TASOR2: variants seen among roughly 807,000 people sequenced by gnomAD.
The protein encoded by TASOR2 is transcription activation suppressor family member 2, also known as protein TASOR 2.
Under a neutral mutation model 199.5 loss-of-function variants are expected in TASOR2, and 84 were observed. The observed-to-expected ratio is 0.42, with a 90% CI of 0.35 to 0.50. TASOR2 has a LOEUF of 0.50. Among genes scored for constraint, TASOR2 ranks in the 20% least tolerant of loss-of-function variants. TASOR2 has a pLI of 0.02. For missense variants in TASOR2, 2,796 were observed against 2,835.9 expected, an observed-to-expected ratio of 0.99 and a Z score of 0.32; for synonymous variants, 1,103 against 1,046.6, an observed-to-expected ratio of 1.05 and a Z score of -1.04.
At chr10:5,761,186 A>G (rs199710672) in intron 18 of TASOR2, 104 bp from the exon 20 acceptor site, 2 of 850,352 alleles carry the variant, frequency 2.4e-6, no homozygotes, top group Non-Finnish European at 3.2e-6. Flanking sequence ...CGTCAAGAAG[A>G]AAGGCAGAGG....
At position 5,748,166 on chromosome 10, in the gene TASOR2, T is replaced by C. The variant is rs779685920; in HGVS notation, c.4745T>C (p.Ile1582Thr). 23 of 1,614,134 alleles carry C rather than the reference T, an allele frequency of 1.4e-5. No individual in the cohort carries two copies. In the East Asian group the frequency reaches 3.8e-4, roughly 27 times the overall value. Residue 1582 changes from isoleucine to threonine, a missense_variant, in exon 15 of 21, where the codon ATT becomes ACT. By Grantham distance (89) the Ile-to-Thr change is moderately conservative (BLOSUM62 -1). Around this residue, in one of 3 missense-constraint regions of TASOR2, gnomAD observed 1,941 missense variants for 1,924.9 expected, o/e 1.01. Transcript: ENST00000328090. This position sits in a 1 kb window ranked among gnomAD's most constrained non-coding sequence, Gnocchi z 5.1. ...CCTCCATTTGGTCCTAGAAATGTTA[T>C]TGAAAATAAGTCTTTGTCTGACACA...
At position 5,752,201 on chromosome 10, in the gene TASOR2, T is replaced by C. The variant is rs1838151026; in HGVS notation, c.6606+2174T>C. ...GCAGGTGGGGGGGATGTTGCTTTTT[T>C]GTCATGATTCTTATAGTCTAATGGG... On this transcript the variant is annotated intron_variant, in intron 15 of 20. Transcript: ENST00000328090. The surrounding 1 kb of genome is among the most constrained non-coding windows in gnomAD (Gnocchi z 4.4). Among the ~76,000 whole-genome samples, 2 of 152,208 alleles carry C rather than the reference T, an allele frequency of 1.3e-5. No individual in the cohort carries two copies. The highest frequency in any genetic ancestry group is 1.3e-4 in the Admixed American group (2 of 15,284).
At position 5,714,147 on chromosome 10, in the gene TASOR2, T is replaced by A; in HGVS notation, c.-192+1229T>A. ...CTTTTGTTTAAAGGCAAAATTGGTA[T>A]GTCAGTGTGGACTCCGTGTTGGCAG... On this transcript the variant is annotated intron_variant, in intron 2 of 20. It removes an upstream start codon present in the reference 5' UTR. Transcript: ENST00000328090. 8.1e-7 allele frequency: 1 copy of A among 1,231,776 alleles called. No homozygotes were observed. Among genetic ancestry groups the A allele is most frequent in the Non-Finnish European group, 1.0e-6 (1 of 987,714 alleles). The allele number at this position is 1,231,776 out of a possible 1,614,324, so 76.3% of individuals were successfully genotyped here.
At chr10:5,686,211 A>G (rs4750553) in intron 1 of TASOR2, among the ~76,000 whole-genome samples, 43,931 of 152,170 alleles carry the variant, frequency 0.29, 7,226 homozygotes, top group Non-Finnish European at 0.37. Context: ...CCAAGACGGT[A>G]TATTTGAAGT....
At chr10:5,747,110 C>T (rs376095727) in exon 15 of TASOR2, 22 of 1,614,022 alleles carry the variant, frequency 1.4e-5, no homozygotes, top group Non-Finnish European at 1.5e-5. Context: ...GGATGCCACA[C>T]ATCAGGTGAC....
At chr10:5,705,699 T>G (rs1323136739) in intron 1 of TASOR2, among the ~76,000 whole-genome samples, 1 of 152,184 alleles carries the variant, frequency 6.6e-6, no homozygotes, top group Non-Finnish European at 1.5e-5. Flanking sequence ...GTGGTTTTAA[T>G]TAGCACTTCC....
intron 2 of TASOR2, among the ~76,000 whole-genome samples, chr10:5,715,468 T>C (rs1360702099): frequency 6.6e-6 from 1 of 152,198 alleles, no homozygotes; most frequent in Non-Finnish European, 1.5e-5. Flanking sequence ...ACATTTCATA[T>C]AAGTGGAATC....
Position 5,762,526 on chromosome 10 carries a change from T to TTAA in TASOR2, c.7175-6_7175-5insTAA. On this transcript the variant is annotated splice_region_variant and splice_polypyrimidine_tract_variant and intron_variant, in intron 19 of 20. Transcript: ENST00000328090. ...ACCAAAAGTTGTTTTTTTTTTTTTT[T>TTAA]AACAGACAAGCCTACTATCCCCAGA... The TTAA allele has an allele frequency of 1.9e-5, 13 of 699,634 alleles. No homozygotes were observed. Among genetic ancestry groups the TTAA allele is most frequent in the South Asian group, 5.6e-5 (2 of 35,806 alleles). 43.3% of individuals were successfully genotyped at this position (699,634 alleles called of 1,614,324 possible). A position where few individuals can be genotyped will look rare whatever the true frequency, so the allele number is the denominator to read the frequency against.
rs1377897682 is a variant in TASOR2 at position 5,722,716 on chromosome 10, G to T, written c.147-961G>T. Among the ~76,000 whole-genome samples the T allele has an allele frequency of 1.3e-5, 2 of 151,960 alleles. No homozygotes were observed. The highest frequency in any genetic ancestry group is 6.6e-5 in the Admixed American group (1 of 15,260). On this transcript the variant is annotated intron_variant, in intron 6 of 20. Transcript: ENST00000328090. The surrounding 1 kb of genome is among the most constrained non-coding windows in gnomAD (Gnocchi z 4.0). ...GCATTTTAAAATGAGTTTTTAAAAA[G>T]GAAACAGAGTGCCGGGCACAGTGGC...
rs1400532955 is a variant in TASOR2 at position 5,722,774 on chromosome 10, G to A, written c.147-903G>A. ...TGTAGTCCCAGCACTTTGGGAGGCC[G>A]AGGTGAGCAGATTGCCTGAGGTCAG... On this transcript the variant is annotated intron_variant, in intron 6 of 20. Coordinates refer to ENST00000328090, the Ensembl canonical transcript of TASOR2. The surrounding 1 kb of genome is among the most constrained non-coding windows in gnomAD (Gnocchi z 4.0). 2.0e-5 allele frequency among the ~76,000 whole-genome samples: 3 copies of A among 152,054 alleles called. No homozygotes were observed. The highest frequency in any genetic ancestry group is 4.4e-5 in the Non-Finnish European group (3 of 68,022).
At chr10:5,693,723 CA>C (rs1295714690) in intron 1 of TASOR2, among the ~76,000 whole-genome samples, 3 of 152,196 alleles carry the variant, frequency 2.0e-5, no homozygotes, top group Non-Finnish European at 4.4e-5. Flanking sequence ...AGCTTTATTT[CA>C]CCCAGATTAT....
At chr10:5,761,984 A>G (rs557323817) in intron 19 of TASOR2, among the ~76,000 whole-genome samples, 2 of 152,102 alleles carry the variant, frequency 1.3e-5, no homozygotes, top group Non-Finnish European at 2.9e-5. Context: ...CTTTTAAAAA[A>G]TTTGTGGGGC....
intron 11 of TASOR2, among the ~76,000 whole-genome samples, chr10:5,731,908 C>T (rs1474758443): frequency 6.6e-6 from 1 of 152,202 alleles, no homozygotes; most frequent in African/African-American, 2.4e-5. Flanking sequence ...AGCCTCAACA[C>T]CTATCGAGAG....
At chr10:5,760,838 TAAACATA>T (rs1418733244) in intron 18 of TASOR2, 1 of 152,716 alleles carries the variant, frequency 6.5e-6, no homozygotes, top group Non-Finnish European at 1.5e-5. Flanking sequence ...GCTAAAAATT[TAAACATA>T]CTGAGTTAAC....
In TASOR2 at chr10:5,707,420, A is replaced by G. The variant is rs142271855; in HGVS notation, c.-287-5403A>G. ...GTTTCTTTCTGTTCTGTTCCGTTCT[A>G]TGTTGGCTGCCATCTTGGTTGCAAG... is the stretch of plus-strand genomic sequence containing the variant. On this transcript the variant is annotated intron_variant, in intron 1 of 20. Coordinates refer to ENST00000328090, the Ensembl canonical transcript of TASOR2. Among the ~76,000 whole-genome samples, 33 of 152,226 alleles carry G rather than the reference A, an allele frequency of 2.2e-4. No individual in the cohort carries two copies. In the East Asian group the frequency reaches 3.3e-3, roughly 15 times the overall value.
At chr10:5,695,253 T>C (rs1288946394) in intron 1 of TASOR2, among the ~76,000 whole-genome samples, 2 of 152,222 alleles carry the variant, frequency 1.3e-5, no homozygotes, top group Admixed American at 1.3e-4. Flanking sequence ...TGCCGTGATA[T>C]TGCTTGGCTC....
intron 13 of TASOR2, 123 bp from the exon 15 acceptor site, chr10:5,741,974 T>C (rs1440407132): frequency 2.4e-6 from 2 of 826,286 alleles, no homozygotes; most frequent in East Asian, 5.3e-5. Flanking sequence ...ATGTTTCATA[T>C]CTGTAAATTT....
intron 1 of TASOR2, among the ~76,000 whole-genome samples, chr10:5,705,523 G>T (rs1412762734): frequency 6.6e-6 from 1 of 152,094 alleles, no homozygotes; most frequent in African/African-American, 2.4e-5. Context: ...GGGTCATATG[G>T]TAAGTATGTG....
intron 14 of TASOR2, chr10:5,744,211 A>G (rs993679342): frequency 2.5e-4 from 38 of 152,246 alleles, no homozygotes; most frequent in African/African-American, 8.9e-4. Context: ...AAGTTCTCAG[A>G]AGGACACTGA....
Sources: gnomAD v4.1 joint callset for allele counts (sites outside exome capture counted in the v4.1 genomes callset) on GRCh38, gnomAD v4.1.1 for gene constraint, gnomAD v4.1.1 regional missense constraint, Gnocchi (gnomAD v3.1) non-coding constraint, MANE v1.5 for transcripts, NCBI Gene and HGNC (gene_info 2026-07-23, HGNC 2026-07-21) for gene names.